The following MACROD2 variants were observed in gnomAD, a reference collection of about 807,000 sequenced individuals.
MACROD2 encodes the protein ADP-ribose glycohydrolase MACROD2.
A neutral mutation model predicts 70.4 loss-of-function variants in MACROD2; 36 were observed. The ratio of observed to expected loss-of-function variants is 0.51; its 90% confidence interval spans 0.39 to 0.68. The LOEUF is 0.68. MACROD2 is among the 30% of genes least tolerant of loss of function. The pLI is 0.00. For missense variants in MACROD2, 496 were observed against 538.4 expected, an observed-to-expected ratio of 0.92 and a Z score of 0.78; for synonymous variants, 172 against 178.8, an observed-to-expected ratio of 0.96 and a Z score of 0.30.
chr20:15,792,428 T>C (rs1382079395), intron 8 of MACROD2, among the ~76,000 whole-genome samples: 2 of 152,068 alleles, frequency 1.3e-5, no homozygotes, highest in South Asian at 2.1e-4. Flanking sequence ...TCTAAACATG[T>C]GACAGGTCGA....
At chr20:14,069,371 C>G (rs957435338) in intron 2 of MACROD2, among the ~76,000 whole-genome samples, 1 of 152,010 alleles carries the variant, frequency 6.6e-6, no homozygotes, top group African/African-American at 2.4e-5. Context: ...GGCCCACATC[C>G]CTGCATGACA....
At chr20:14,098,660 T>C (rs1439023641) in intron 3 of MACROD2, among the ~76,000 whole-genome samples, 1 of 152,174 alleles carries the variant, frequency 6.6e-6, no homozygotes, top group East Asian at 1.9e-4. Flanking sequence ...TTTTATGTAT[T>C]TGTTCAGTAA....
At chr20:15,799,762 C>T (rs1236958276) in intron 8 of MACROD2, among the ~76,000 whole-genome samples, 1 of 152,174 alleles carries the variant, frequency 6.6e-6, no homozygotes, top group Non-Finnish European at 1.5e-5. Context: ...TGAGTGCAGG[C>T]ATCCCTTTAA....
chr20:14,227,275 C>G (rs1220804111), intron 3 of MACROD2, among the ~76,000 whole-genome samples: 27 of 152,070 alleles, frequency 1.8e-4, no homozygotes, highest in Admixed American at 1.6e-3. Flanking sequence ...AGCAGGCTGC[C>G]GGAGCCAGCA....
chr20:15,691,009 G>A (rs979940652), intron 8 of MACROD2, among the ~76,000 whole-genome samples: 13 of 152,118 alleles, frequency 8.5e-5, no homozygotes, highest in Non-Finnish European at 1.0e-4. Flanking sequence ...GAGAATGCAG[G>A]CCCCAAAAGA....
chr20:14,128,664 G>T (rs987882311), intron 3 of MACROD2, among the ~76,000 whole-genome samples: 1 of 152,308 alleles, frequency 6.6e-6, no homozygotes, highest in East Asian at 1.9e-4. Context: ...CTAGAGAGAA[G>T]AAATCAATGC....
At chr20:14,912,541 T>C (rs2074040411) in intron 5 of MACROD2, among the ~76,000 whole-genome samples, 1 of 152,130 alleles carries the variant, frequency 6.6e-6, no homozygotes, top group African/African-American at 2.4e-5. Flanking sequence ...TCCTAACACG[T>C]GCCACAGTAA....
chr20:15,932,266 T>C (rs1251341765), intron 10 of MACROD2, among the ~76,000 whole-genome samples: 1 of 152,124 alleles, frequency 6.6e-6, no homozygotes, highest in African/African-American at 2.4e-5. Flanking sequence ...CTTTACAGCA[T>C]GGGGATTGGC....
intron 15 of MACROD2, among the ~76,000 whole-genome samples, chr20:15,988,614 C>G (rs1391762295): frequency 1.3e-5 from 2 of 152,128 alleles, no homozygotes; most frequent in Non-Finnish European, 2.9e-5. Context: ...CACCTTTCCT[C>G]TCTTCCTTGT....
At chr20:15,940,256 CTTCT>C (rs2065732257) in intron 12 of MACROD2, among the ~76,000 whole-genome samples, 1 of 56,344 alleles carries the variant, frequency 1.8e-5, no homozygotes, top group African/African-American at 5.0e-5. Flanking sequence ...ACACCTGGCT[CTTCT>C]TTTTTTTTTT....
chr20:15,640,048 G>C (rs572246836), intron 8 of MACROD2, among the ~76,000 whole-genome samples: 19 of 148,390 alleles, frequency 1.3e-4, no homozygotes, highest in African/African-American at 4.9e-4. Flanking sequence ...GGTGAGAGAA[G>C]AAGAGAGAAA....
chr20:15,082,296 A>G (rs1601044118), intron 5 of MACROD2, among the ~76,000 whole-genome samples: 1 of 152,170 alleles, frequency 6.6e-6, no homozygotes, highest in East Asian at 1.9e-4. Context: ...GCCATTGGAG[A>G]TCATTAAGAA....
intron 3 of MACROD2, among the ~76,000 whole-genome samples, chr20:14,442,995 C>T (rs941760322): frequency 7.3e-5 from 11 of 151,440 alleles, no homozygotes; most frequent in African/African-American, 2.4e-4. Context: ...GGGAGAATGG[C>T]GTGAACCCGG....
chr20:15,792,087 T>C (rs1195519793), intron 8 of MACROD2, among the ~76,000 whole-genome samples: 7 of 152,086 alleles, frequency 4.6e-5, no homozygotes, highest in Admixed American at 4.6e-4. Flanking sequence ...GAGAGAATGT[T>C]CCCAGATTCT....
At chr20:14,276,308 T>G (rs1345793053) in intron 3 of MACROD2, among the ~76,000 whole-genome samples, 2 of 150,704 alleles carry the variant, frequency 1.3e-5, no homozygotes, top group Non-Finnish European at 3.0e-5. Context: ...TAAAAAATGA[T>G]GAGTTCATGT....
chr20:15,047,129 A>T (rs997876692), intron 5 of MACROD2, among the ~76,000 whole-genome samples: 16 of 152,168 alleles, frequency 1.1e-4, no homozygotes, highest in African/African-American at 3.4e-4. Flanking sequence ...TTATTTACTA[A>T]TGGATGTTAC....
chr20:15,015,380 G>C (rs984137733), intron 5 of MACROD2, among the ~76,000 whole-genome samples: 3 of 151,696 alleles, frequency 2.0e-5, no homozygotes, highest in East Asian at 1.9e-4. Flanking sequence ...TACATCTAAA[G>C]TTATTAATGC....
At chr20:15,185,738 C>T (rs1222074444) in intron 5 of MACROD2, among the ~76,000 whole-genome samples, 1 of 152,158 alleles carries the variant, frequency 6.6e-6, no homozygotes, top group African/African-American at 2.4e-5. Context: ...AGTTTCTAAA[C>T]TATGAACCAG....
intron 4 of MACROD2, among the ~76,000 whole-genome samples, chr20:14,510,478 C>T (rs903784220): frequency 6.6e-6 from 1 of 151,912 alleles, no homozygotes; most frequent in Non-Finnish European, 1.5e-5. Flanking sequence ...GAACAGTTGC[C>T]AGTTTATAAT....
Sources: gnomAD v4.1 joint callset for allele counts (sites outside exome capture counted in the v4.1 genomes callset) on GRCh38, gnomAD v4.1.1 for gene constraint, MANE v1.5 for transcripts, NCBI Gene and HGNC (gene_info 2026-07-23, HGNC 2026-07-21) for gene names.